WNK2: variants seen among roughly 807,000 people sequenced by gnomAD.
WNK2 encodes serine/threonine-protein kinase WNK2.
WNK2 carries 67 observed loss-of-function variants against 192.1 expected under a neutral mutation model. The observed-to-expected ratio is 0.35, with a 90% CI of 0.29 to 0.43. The LOEUF (loss-of-function observed/expected upper bound fraction) is 0.43. Among genes scored for constraint, WNK2 ranks in the 20% least tolerant of loss-of-function variants. The pLI, the probability that WNK2 is intolerant of heterozygous loss-of-function variation, is 1.00. For missense variants in WNK2, 2,698 were observed against 3,089.7 expected (o/e 0.87, Z 3.01); for synonymous variants, 1,439 against 1,393.9 (o/e 1.03, Z -0.72).
chr9:93,316,095 C>A (rs769816450), intron 28 of WNK2: 1 of 152,148 alleles, frequency 6.6e-6, no homozygotes, highest in Non-Finnish European at 1.5e-5. Flanking sequence ...GTCAAGTGGT[C>A]GTCTGTGTGT....
rs746556013 is a variant in WNK2, at chr9:93,231,038, T to G, written c.1005T>G (p.Thr335=). The G allele has an allele frequency of 2.5e-6, 4 of 1,613,310 alleles. No individual in the cohort carries two copies. The highest frequency in any genetic ancestry group is 2.7e-5 in the African/African-American group (2 of 74,682). ...KCDNIFITGP[T]GSVKIGDLGL... is the part of the protein sequence containing the mutation. ...ACAATATTTTCATCACCGGACCAAC[T>G]GGGTCTGTGAAGATTGGCGACTTGG... Residue 335 remains threonine (T), a synonymous_variant, in exon 4 of 30, where the codon ACT becomes ACG. Coordinates refer to ENST00000427277, the MANE Select transcript of WNK2 (RefSeq NM_006648.4).
chr9:93,242,598 T>A (rs1840963939), intron 7 of WNK2, among the ~76,000 whole-genome samples: 1 of 152,246 alleles, frequency 6.6e-6, no homozygotes, highest in Non-Finnish European at 1.5e-5. Flanking sequence ...CTGCATAGGC[T>A]ATGTACAGCG....
chr9:93,198,068 A>G (rs1831606857), intron 2 of WNK2, among the ~76,000 whole-genome samples: 1 of 152,150 alleles, frequency 6.6e-6, no homozygotes. Context: ...TAAGGAGGAA[A>G]CTGAGGTACA....
intron 13 of WNK2, 112 bp downstream of exon 13, chr9:93,262,219 A>G (rs1054561031): frequency 7.6e-7 from 1 of 1,309,764 alleles, no homozygotes; most frequent in Admixed American, 2.8e-5. Context: ...TAGCTCTGGG[A>G]CAGCCACCCA....
intron 19 of WNK2, among the ~76,000 whole-genome samples, chr9:93,282,228 A>C (rs1392156057): frequency 6.6e-6 from 1 of 152,206 alleles, no homozygotes; most frequent in Non-Finnish European, 1.5e-5. Context: ...CAAATCAAGA[A>C]TGCAAATGAT....
intron 28 of WNK2, among the ~76,000 whole-genome samples, chr9:93,309,462 G>T (rs1443990157): frequency 6.6e-6 from 1 of 152,022 alleles, no homozygotes; most frequent in Admixed American, 6.6e-5. Context: ...TCTGACAATT[G>T]GTATCTCTCC....
At chr9:93,315,133 C>T (rs1363999885) in intron 28 of WNK2, among the ~76,000 whole-genome samples, 1 of 152,188 alleles carries the variant, frequency 6.6e-6, no homozygotes, top group Non-Finnish European at 1.5e-5. Flanking sequence ...AGCCACGTTT[C>T]ATGTCGCTAT....
intron 2 of WNK2, among the ~76,000 whole-genome samples, chr9:93,209,434 G>A (rs1374348526): frequency 6.6e-6 from 1 of 152,174 alleles, no homozygotes; most frequent in Non-Finnish European, 1.5e-5. Context: ...CCTTTGAGAC[G>A]GGACAGGTCT....
intron 19 of WNK2, among the ~76,000 whole-genome samples, chr9:93,274,078 T>G (rs902805841): frequency 2.0e-5 from 3 of 151,940 alleles, no homozygotes; most frequent in African/African-American, 7.3e-5. Context: ...GCAAGCATAA[T>G]GAAGAAAATA....
At position 93,262,650 on chromosome 9, in the gene WNK2, T is replaced by C. The variant is rs1844472390; in HGVS notation, c.3361-20T>C. ...GGAGTCCGCATGACCTGTTCTCTTTTCTCCGGGTGTTTATTTCAGGAGCAG... is the reference window on the plus strand; with the variant it reads ...GGAGTCCGCATGACCTGTTCTCTTTCCTCCGGGTGTTTATTTCAGGAGCAG... On this transcript the variant is annotated intron_variant, in intron 13 of 29. Transcript: ENST00000427277. 6.2e-7 allele frequency: 1 copy of C among 1,612,622 alleles called. No homozygotes were observed. Among genetic ancestry groups the C allele is most frequent in the Non-Finnish European group, 8.5e-7 (1 of 1,179,862 alleles).
chr9:93,319,294 C>A lies in WNK2; in HGVS notation c.6629-1073C>A, dbSNP rs577987563. 1.4e-5 allele frequency: 21 copies of A among 1,466,904 alleles called. No homozygotes were observed. The South Asian group carries it at 2.5e-4, about 17-fold the overall frequency. 90.9% of individuals were successfully genotyped at this position (1,466,904 alleles called of 1,614,324 possible). On this transcript the variant is annotated intron_variant, in intron 29 of 29. Coordinates refer to ENST00000427277, the MANE Select transcript of WNK2 (RefSeq NM_006648.4). ...TCCTAGGGAGCACAGGAGTTGGGAG[C>A]CAGTTCTGGGCTCAGCTGCATCCAC...
intron 2 of WNK2, among the ~76,000 whole-genome samples, chr9:93,189,325 A>T (rs892296340): frequency 6.6e-6 from 1 of 152,208 alleles, no homozygotes; most frequent in African/African-American, 2.4e-5. Flanking sequence ...TGCACCCAGC[A>T]TGGGGTCTTT....
At position 93,292,726 on chromosome 9, in the gene WNK2, A is replaced by T; in HGVS notation, c.5261A>T (p.Gln1754Leu). ...GGCCGTTTCTCGGTGGTCAGCACTCAGGACGAGTGGACCCTGGCCTCCCCC... is the reference window on the plus strand; with the variant it reads ...GGCCGTTTCTCGGTGGTCAGCACTCTGGACGAGTGGACCCTGGCCTCCCCC... ...TVGRFSVVST[Q>L]DEWTLASPHS... Residue 1754 changes from glutamine (Q) to leucine (L), a missense_variant, in exon 23 of 30, where the codon CAG becomes CTG. Physicochemically the swap from Gln to Leu is moderately radical, Grantham distance 113. Transcript: ENST00000427277. 6.7e-7 allele frequency: 1 copy of T among 1,498,146 alleles called. No individual in the cohort carries two copies. Among genetic ancestry groups the T allele is most frequent in the Non-Finnish European group, 8.9e-7 (1 of 1,124,656 alleles). 92.8% of individuals were successfully genotyped at this position (1,498,146 alleles called of 1,614,324 possible).
At chr9:93,302,128 C>T (rs1181933054) in intron 26 of WNK2, among the ~76,000 whole-genome samples, 2 of 152,228 alleles carry the variant, frequency 1.3e-5, no homozygotes, top group East Asian at 3.8e-4. Flanking sequence ...TGGGTAAACC[C>T]CCAGGGCAGC....
chr9:93,320,266 C>A, intron 29 of WNK2, 101 bp from the exon 30 acceptor site: 1 of 1,302,976 alleles, frequency 7.7e-7, no homozygotes, highest in South Asian at 1.2e-5. Flanking sequence ...CTGGCGCAGC[C>A]TTCCCGTCGG....
chr9:93,289,177 C>T lies in WNK2; in HGVS notation c.4423C>T (p.Leu1475=). ...GGACGCCAGTGCCCCAAGGGAGCCC[C>T]TGCCACCTCCTGCACCTGAGCCCAG... ...TRDASAPREP[L]PPPAPEPSPH... is the part of the protein sequence containing the mutation. Residue 1475 remains leucine (L), a synonymous_variant, in exon 20 of 30, where the codon CTG becomes TTG. Transcript: ENST00000427277. 6.2e-7 allele frequency: 1 copy of T among 1,600,302 alleles called. No homozygotes were observed. The highest frequency in any genetic ancestry group is 8.5e-7 in the Non-Finnish European group (1 of 1,175,212).
intron 14 of WNK2, 87 bp from the exon 15 acceptor site, chr9:93,263,479 G>A: frequency 6.6e-7 from 1 of 1,524,594 alleles, no homozygotes; most frequent in Non-Finnish European, 8.9e-7. Flanking sequence ...GGAGACTCCA[G>A]ACTGTTCCAG....
At chr9:93,219,108 A>T (rs1836320661) in intron 2 of WNK2, among the ~76,000 whole-genome samples, 1 of 152,198 alleles carries the variant, frequency 6.6e-6, no homozygotes, top group Non-Finnish European at 1.5e-5. Context: ...GGGCACCTGG[A>T]TGTCCCTGGA....
At chr9:93,274,353 G>A (rs1296610557) in intron 19 of WNK2, among the ~76,000 whole-genome samples, 2 of 151,740 alleles carry the variant, frequency 1.3e-5, no homozygotes, top group South Asian at 2.1e-4. Context: ...TCTACTAAAA[G>A]TACAAAAAAT....
Sources: gnomAD v4.1 joint callset for allele counts (sites outside exome capture counted in the v4.1 genomes callset) on GRCh38, gnomAD v4.1.1 for gene constraint, MANE v1.5 for transcripts, NCBI Gene and HGNC (gene_info 2026-07-23, HGNC 2026-07-21) for gene names.